The following EPHA5 variants were observed in gnomAD, a reference collection of about 807,000 sequenced individuals.
The protein encoded by EPHA5 is EPH receptor A5.
A neutral mutation model predicts 105.0 loss-of-function variants in EPHA5; 60 were observed. That is an observed-to-expected ratio of 0.57 (90% CI 0.46 to 0.71). The LOEUF is 0.71. Ranked by LOEUF, EPHA5 falls within the 30% of genes least tolerant of loss-of-function variation. The pLI, the probability that EPHA5 is intolerant of heterozygous loss-of-function variation, is 0.00. For missense variants in EPHA5, 1,218 were observed against 1,274.7 expected (o/e 0.96, Z 0.68); for synonymous variants, 513 against 449.1 (o/e 1.14, Z -1.80).
chr4:65,507,307 T>C (rs1380418207), intron 3 of EPHA5, among the ~76,000 whole-genome samples: 1 of 152,190 alleles, frequency 6.6e-6, no homozygotes, highest in Non-Finnish European at 1.5e-5. Context: ...GTGTGATGCC[T>C]CCAGCTTTGT....
chr4:65,411,273 A>G (rs1722883592), intron 7 of EPHA5, among the ~76,000 whole-genome samples: 1 of 151,980 alleles, frequency 6.6e-6, no homozygotes, highest in South Asian at 2.1e-4. Context: ...TACTGTTTGC[A>G]TTTCTCTTTA....
intron 2 of EPHA5, among the ~76,000 whole-genome samples, chr4:65,629,169 C>A (rs1746408293): frequency 6.9e-6 from 1 of 145,122 alleles, no homozygotes; most frequent in African/African-American, 2.5e-5. Context: ...TAAAGGTTGT[C>A]TTCCTCTTTT....
chr4:65,569,817 C>T (rs930707199), intron 3 of EPHA5, among the ~76,000 whole-genome samples: 4 of 151,638 alleles, frequency 2.6e-5, no homozygotes, highest in African/African-American at 9.7e-5. Context: ...GTGCCTAAAA[C>T]AATGATTCCC....
In EPHA5 at chr4:65,467,113, C is replaced by T. The variant is rs1728794811; in HGVS notation, c.1402+23264G>A. Among the ~76,000 whole-genome samples the T allele has an allele frequency of 2.0e-5, 3 of 152,146 alleles. No individual in the cohort carries two copies. In the South Asian group the frequency reaches 6.2e-4, roughly 32 times the overall value. Reference sequence around the variant, plus strand: ...GAAACCTGACTCTTTTATTTGTCTTCCAATGGACCACCTCCATAACAAACC... The same window carrying T: ...GAAACCTGACTCTTTTATTTGTCTTTCAATGGACCACCTCCATAACAAACC... On this transcript the variant is annotated intron_variant, in intron 5 of 16. Transcript: ENST00000613740.
intron 8 of EPHA5, among the ~76,000 whole-genome samples, chr4:65,382,009 A>G (rs1719609511): frequency 6.6e-6 from 1 of 151,920 alleles, no homozygotes; most frequent in Non-Finnish European, 1.5e-5. Context: ...ATTAAATCAT[A>G]TAAATGACTG....
intron 3 of EPHA5, among the ~76,000 whole-genome samples, chr4:65,577,084 G>T: frequency 6.6e-6 from 1 of 152,134 alleles, no homozygotes; most frequent in East Asian, 1.9e-4. Flanking sequence ...TCCAACCAAA[G>T]AAAGAAGAGT....
At chr4:65,340,646 G>T (rs1721625139) in intron 14 of EPHA5, among the ~76,000 whole-genome samples, 1 of 152,182 alleles carries the variant, frequency 6.6e-6, no homozygotes, top group South Asian at 2.1e-4. Flanking sequence ...GCTACAGGCT[G>T]CAGTTCATTT....
Position 65,490,503 on chromosome 4 carries a change from CA to C in EPHA5, c.1275del (p.Val426SerfsTer2). On this transcript the variant is annotated frameshift_variant, in exon 5 of 17. Transcript: ENST00000613740. LOFTEE classifies it high-confidence loss of function. ...LPRQSGLKNT[S>X]VMMVDLLAHT... is the part of the protein sequence containing the mutation. Reference sequence around the variant, plus strand: ...TGAGCGAGTAGATCCACCATCATGACAGAGGTGTTTTTCAGGCCGCTTTGCC... The same window carrying C: ...TGAGCGAGTAGATCCACCATCATGACGAGGTGTTTTTCAGGCCGCTTTGCC... 1 of 1,614,168 alleles carries C rather than the reference CA, an allele frequency of 6.2e-7. No homozygotes were observed. Among genetic ancestry groups the C allele is most frequent in the Non-Finnish European group, 8.5e-7 (1 of 1,180,032 alleles).
chr4:65,404,357 A>G lies in EPHA5; in HGVS notation c.1793+17T>C. 1 of 1,604,828 alleles carries G rather than the reference A, an allele frequency of 6.2e-7. No homozygotes were observed. The highest frequency in any genetic ancestry group is 1.1e-5 in the South Asian group (1 of 90,868). ...AGATCAGCTGCAGAACTTCAGAATC[A>G]CAGCTTCCTCTCTTACCTTCCACTG... On this transcript the variant is annotated intron_variant, in intron 8 of 16. Coordinates refer to ENST00000613740, the MANE Select transcript of EPHA5 (RefSeq NM_001281766.3).
intron 3 of EPHA5, among the ~76,000 whole-genome samples, chr4:65,520,050 A>C (rs1203777217): frequency 6.6e-6 from 1 of 152,200 alleles, no homozygotes; most frequent in Non-Finnish European, 1.5e-5. Context: ...ATGGAACCAA[A>C]AAAGAGCCTG....
chr4:65,407,910 C>A (rs1000787919), intron 7 of EPHA5, among the ~76,000 whole-genome samples: 1 of 150,402 alleles, frequency 6.6e-6, no homozygotes, highest in Non-Finnish European at 1.5e-5. Flanking sequence ...CCTGCACCAC[C>A]ACCTATGGCT....
intron 5 of EPHA5, among the ~76,000 whole-genome samples, chr4:65,449,790 A>T (rs1283769063): frequency 6.6e-6 from 1 of 152,134 alleles, no homozygotes; most frequent in East Asian, 1.9e-4. Context: ...ATACACAGGT[A>T]TCACACAGGT....
Position 65,394,101 on chromosome 4 carries a change from G to A in EPHA5, c.1793+10273C>T, listed in dbSNP as rs565299018. Among the ~76,000 whole-genome samples the A allele has an allele frequency of 1.2e-4, 19 of 152,282 alleles. No individual in the cohort carries two copies. The East Asian group carries it at 2.7e-3, about 22-fold the overall frequency. ...GGAGTTGGTGACATTTAATTTGCAT[G>A]ATTTTAGAATGAATACAATTTACTG... is the stretch of plus-strand genomic sequence containing the variant. On this transcript the variant is annotated intron_variant, in intron 8 of 16. Coordinates refer to ENST00000613740, the MANE Select transcript of EPHA5 (RefSeq NM_001281766.3).
intron 2 of EPHA5, among the ~76,000 whole-genome samples, chr4:65,643,097 T>C (rs759195812): frequency 3.9e-5 from 6 of 152,056 alleles, no homozygotes; most frequent in African/African-American, 9.7e-5. Context: ...GAACTTTTCC[T>C]AAATGCTGAA....
intron 8 of EPHA5, among the ~76,000 whole-genome samples, chr4:65,397,833 A>G (rs1391284635): frequency 2.0e-5 from 3 of 152,094 alleles, no homozygotes; most frequent in Non-Finnish European, 2.9e-5. Flanking sequence ...GCCCCCTATC[A>G]TATGAAGCAG....
intron 3 of EPHA5, among the ~76,000 whole-genome samples, chr4:65,559,898 A>G (rs1004383751): frequency 1.3e-5 from 2 of 152,206 alleles, no homozygotes; most frequent in Non-Finnish European, 2.9e-5. Flanking sequence ...TATGTTTTAC[A>G]TGAGGATATT....
intron 3 of EPHA5, among the ~76,000 whole-genome samples, chr4:65,551,093 T>A (rs1324224077): frequency 6.6e-6 from 1 of 151,860 alleles, no homozygotes; most frequent in African/African-American, 2.4e-5. Flanking sequence ...TATATTCACA[T>A]ATATGTGTAT....
chr4:65,564,788 T>A (rs1280245353), intron 3 of EPHA5, among the ~76,000 whole-genome samples: 1 of 151,768 alleles, frequency 6.6e-6, no homozygotes, highest in Non-Finnish European at 1.5e-5. Flanking sequence ...GTGATACATA[T>A]ATACTTTTAT....
At chr4:65,361,259 G>A (rs1203659991) in intron 11 of EPHA5, among the ~76,000 whole-genome samples, 1 of 151,604 alleles carries the variant, frequency 6.6e-6, no homozygotes, top group Non-Finnish European at 1.5e-5. Flanking sequence ...TGATCTCATA[G>A]AGGTCACATT....
Sources: allele counts gnomAD v4.1 joint callset (sites outside exome capture counted in the v4.1 genomes callset), GRCh38; gene constraint gnomAD v4.1.1; transcripts MANE v1.5; gene names NCBI Gene and HGNC (gene_info 2026-07-23, HGNC 2026-07-21).